The following TMEM17 variants were observed in gnomAD, a reference collection of about 807,000 sequenced individuals.
The protein encoded by TMEM17 is transmembrane protein 17.
In TMEM17, 15 loss-of-function variants were observed where a neutral mutation model predicts 19.1. The observed-to-expected ratio is 0.78, with a 90% CI of 0.52 to 1.21. The LOEUF (loss-of-function observed/expected upper bound fraction) is 1.21, where lower values mean the gene tolerates loss of function less well. Ranked by LOEUF, TMEM17 falls within the 50% of genes most tolerant of loss-of-function variation. TMEM17 has a pLI of 0.00. For synonymous variants in TMEM17, 103 were observed against 86.9 expected (o/e 1.19, Z -1.03); for missense variants, 245 against 242.3 (o/e 1.01, Z -0.07).
the TMEM17 span, among the ~76,000 whole-genome samples, chr2:62,485,965 T>C: frequency 3.9e-5 from 6 of 152,038 alleles, no homozygotes; most frequent in Admixed American, 2.0e-4. Flanking sequence ...AAAACTGTGC[T>C]TTTTTTTCCC....
the TMEM17 span, among the ~76,000 whole-genome samples, chr2:62,459,298 C>A: frequency 1.3e-5 from 2 of 152,332 alleles, no homozygotes; most frequent in South Asian, 4.1e-4. Context: ...CTTGTTGTGA[C>A]CCTCAGGGGC....
intron 1 of TMEM17, among the ~76,000 whole-genome samples, chr2:62,505,058 T>C (rs1680027524): frequency 6.6e-6 from 1 of 152,158 alleles, no homozygotes; most frequent in Admixed American, 6.5e-5. Flanking sequence ...ACATCCTAAA[T>C]CATAAAGGCC....
At chr2:62,480,788 C>A in the TMEM17 span, among the ~76,000 whole-genome samples, 3 of 152,170 alleles carry the variant, frequency 2.0e-5, no homozygotes, top group Non-Finnish European at 4.4e-5. Flanking sequence ...TATGCCAATA[C>A]CATTCTGTTT....
chr2:62,471,070 C>T, the TMEM17 span, among the ~76,000 whole-genome samples: 1 of 152,182 alleles, frequency 6.6e-6, no homozygotes, highest in Non-Finnish European at 1.5e-5. Flanking sequence ...GTCTGGACTG[C>T]GGGTTCCAGG....
the TMEM17 span, among the ~76,000 whole-genome samples, chr2:62,479,795 G>C: frequency 2.0e-5 from 3 of 150,810 alleles, no homozygotes; most frequent in Non-Finnish European, 2.9e-5. Context: ...GCTGAGGTAG[G>C]AGTATCGCTT....
chr2:62,488,925 A>G, the TMEM17 span, among the ~76,000 whole-genome samples: 2 of 151,412 alleles, frequency 1.3e-5, no homozygotes, highest in African/African-American at 4.9e-5. Flanking sequence ...GGGGTACTTG[A>G]TTGACTTTTA....
At chr2:62,505,964 A>T in intron 1 of TMEM17, 66 bp downstream of exon 1, 1 of 1,437,772 alleles carries the variant, frequency 7.0e-7, no homozygotes. Flanking sequence ...CAAATTCTGG[A>T]CGCTCCAAAA....
In TMEM17 at chr2:62,502,727, C is replaced by T. The variant is rs546511730; in HGVS notation, c.168G>A (p.Leu56=). ...SLYFNTYYFP[L]WWVSSIMMLH... ...GCATCATAATGCTGCTCACCCACCA[C>T]AGTGGGAAATAGTAGGTATTAAAAT... Residue 56 remains leucine (L), a synonymous_variant, in exon 2 of 4, where the codon CTG becomes CTA. Coordinates refer to ENST00000335390, the MANE Select transcript of TMEM17 (RefSeq NM_198276.3). 1.6e-5 allele frequency: 26 copies of T among 1,609,574 alleles called. No homozygotes were observed. In the South Asian group the frequency reaches 2.8e-4, roughly 17 times the overall value.
At chr2:62,479,619 C>T in the TMEM17 span, among the ~76,000 whole-genome samples, 2 of 152,114 alleles carry the variant, frequency 1.3e-5, no homozygotes, top group Non-Finnish European at 2.9e-5. Flanking sequence ...GGCACAGTGG[C>T]TCATGCCTGT....
chr2:62,465,302 A>C, the TMEM17 span, among the ~76,000 whole-genome samples: 1 of 152,232 alleles, frequency 6.6e-6, no homozygotes, highest in African/African-American at 2.4e-5. Flanking sequence ...TGAGAAAAAC[A>C]TCAGAAATTT....
the TMEM17 span, among the ~76,000 whole-genome samples, chr2:62,466,142 C>T: frequency 1.9e-4 from 29 of 152,136 alleles, no homozygotes; most frequent in Non-Finnish European, 4.0e-4. Context: ...GAGAGGAAAC[C>T]TTCTGAAAAG....
At chr2:62,454,841 C>G in the TMEM17 span, among the ~76,000 whole-genome samples, 1 of 152,154 alleles carries the variant, frequency 6.6e-6, no homozygotes, top group Non-Finnish European at 1.5e-5. Context: ...GTAGCTGGGA[C>G]TACAGGCACC....
downstream of TMEM17, among the ~76,000 whole-genome samples, chr2:62,497,666 CCAGA>C (rs1679808367): frequency 1.3e-5 from 2 of 152,318 alleles, no homozygotes; most frequent in Admixed American, 6.5e-5. Context: ...GCCTTTTCTA[CCAGA>C]CAGGGAACTT....
At chr2:62,489,357 G>T in the TMEM17 span, among the ~76,000 whole-genome samples, 4 of 152,166 alleles carry the variant, frequency 2.6e-5, no homozygotes, top group South Asian at 6.2e-4. Flanking sequence ...ATTGGCATGT[G>T]TGCATTCAGA....
At chr2:62,481,972 AGCTG>A in the TMEM17 span, among the ~76,000 whole-genome samples, 1 of 152,280 alleles carries the variant, frequency 6.6e-6, no homozygotes, top group South Asian at 2.1e-4. Flanking sequence ...CCTTCAGAAA[AGCTG>A]GCATCCTCTG....
the TMEM17 span, among the ~76,000 whole-genome samples, chr2:62,468,488 G>T: frequency 5.9e-5 from 9 of 152,210 alleles, no homozygotes; most frequent in African/African-American, 9.7e-5. Context: ...ATTACAGTTG[G>T]GGTCCTGACT....
At chr2:62,462,340 A>G in the TMEM17 span, among the ~76,000 whole-genome samples, 2 of 152,192 alleles carry the variant, frequency 1.3e-5, no homozygotes, top group Non-Finnish European at 2.9e-5. Context: ...CCAGCACTGC[A>G]GGACCCAAGT....
chr2:62,486,998 C>A, the TMEM17 span, among the ~76,000 whole-genome samples: 13 of 152,242 alleles, frequency 8.5e-5, no homozygotes, highest in Middle Eastern at 6.8e-3. Flanking sequence ...TCTCAGAATC[C>A]ATCTAGAACT....
chr2:62,497,217 C>G (rs922432594), downstream of TMEM17, among the ~76,000 whole-genome samples: 2 of 152,196 alleles, frequency 1.3e-5, no homozygotes, highest in Non-Finnish European at 2.9e-5. Flanking sequence ...CTCCTGGTAT[C>G]TCTGCCTCTG....
Sources: gnomAD v4.1 joint callset for allele counts (sites outside exome capture counted in the v4.1 genomes callset) on GRCh38, gnomAD v4.1.1 for gene constraint, MANE v1.5 for transcripts, NCBI Gene and HGNC (gene_info 2026-07-23, HGNC 2026-07-21) for gene names.